The following PCDH15 variants were observed in gnomAD, a reference collection of about 807,000 sequenced individuals.
PCDH15 encodes the protein protocadherin related 15, also known as protocadherin-15.
PCDH15 carries 129 observed loss-of-function variants against 178.5 expected under a neutral mutation model. The observed-to-expected ratio is 0.72, with a 90% confidence interval of 0.63 to 0.84. PCDH15 has a LOEUF of 0.84. Ranked by LOEUF, PCDH15 falls within the 40% of genes least tolerant of loss-of-function variation. The pLI is 0.00. For missense variants in PCDH15, 2,230 were observed against 2,099.9 expected (o/e 1.06, Z -1.21); for synonymous variants, 800 against 732.0 (o/e 1.09, Z -1.50).
At chr10:55,323,793 G>C (rs1843963927), upstream of PCDH15, among the ~76,000 whole-genome samples, 1 of 152,148 alleles carries the variant, frequency 6.6e-6, no homozygotes, top group South Asian at 2.1e-4. Context: ...GCTGAAATCA[G>C]TTAAGACTTT....
chr10:54,097,347 A>G (rs907427418), intron 15 of PCDH15, among the ~76,000 whole-genome samples: 4 of 152,190 alleles, frequency 2.6e-5, no homozygotes, highest in African/African-American at 9.7e-5. Flanking sequence ...TTCCTTAAAC[A>G]TATCAGGTGT....
At chr10:54,358,473 C>A (rs1230520484) in intron 5 of PCDH15, among the ~76,000 whole-genome samples, 1 of 152,152 alleles carries the variant, frequency 6.6e-6, no homozygotes, top group African/African-American at 2.4e-5. Flanking sequence ...TACCATCTCA[C>A]ACAAGTTAGA....
chr10:54,231,832 G>T (rs559117473), intron 9 of PCDH15, among the ~76,000 whole-genome samples: 1 of 152,278 alleles, frequency 6.6e-6, no homozygotes, highest in African/African-American at 2.4e-5. Context: ...TAGACCCTTT[G>T]CTTTGGCTGA....
At position 54,023,043 on chromosome 10, in the gene PCDH15, G is replaced by C; in HGVS notation, c.2375C>G (p.Thr792Arg). 1 of 1,613,904 alleles carries C rather than the reference G, an allele frequency of 6.2e-7. No homozygotes were observed. Among genetic ancestry groups the C allele is most frequent in the Non-Finnish European group, 8.5e-7 (1 of 1,179,894 alleles). ...ATGACGAGGGTGTACTGCTCCATCT[G>C]TTGCCACAACAACAAGTTCATAGTA... Reference protein sequence around the residue: ...RDYYELVVVATDGAVHPRHST... With the variant: ...RDYYELVVVARDGAVHPRHST... The change falls in exon 19 of 38, where the codon ACA becomes AGA. Residue 792 changes from threonine to arginine, a missense_variant. Transcript: ENST00000644397.
At chr10:55,530,380 A>C (rs1537596) in intron 2 of PCDH15, among the ~76,000 whole-genome samples, 60,027 of 151,600 alleles carry the variant, frequency 0.4, 12,571 homozygotes, top group East Asian at 0.81. Flanking sequence ...AAATTCATAT[A>C]CTCTTGTATA....
intron 2 of PCDH15, among the ~76,000 whole-genome samples, chr10:55,487,798 G>T (rs1244676092): frequency 1.3e-5 from 2 of 151,492 alleles, no homozygotes; most frequent in Non-Finnish European, 3.0e-5. Flanking sequence ...ATGTCTTTTA[G>T]AGTCTGTTCT....
chr10:54,190,508 A>T (rs529351325), intron 11 of PCDH15, among the ~76,000 whole-genome samples: 1 of 152,258 alleles, frequency 6.6e-6, no homozygotes, highest in Admixed American at 6.5e-5. Flanking sequence ...GGCTCAAGGG[A>T]TCCTTCTGCC....
At chr10:54,483,639 G>A (rs113145039) in intron 3 of PCDH15, among the ~76,000 whole-genome samples, 45 of 151,920 alleles carry the variant, frequency 3.0e-4, no homozygotes, top group African/African-American at 6.3e-4. Flanking sequence ...AAAAACAAAT[G>A]AAATAAAAGA....
intron 6 of PCDH15, among the ~76,000 whole-genome samples, chr10:54,346,100 C>T (rs939722049): frequency 6.6e-6 from 1 of 152,028 alleles, no homozygotes; most frequent in Non-Finnish European, 1.5e-5. Context: ...CTTTGGAGAC[C>T]ACAAACATAA....
At chr10:54,012,635 T>G (rs138730543) in intron 20 of PCDH15, among the ~76,000 whole-genome samples, 435 of 152,250 alleles carry the variant, frequency 2.9e-3, no homozygotes, top group African/African-American at 9.8e-3. Flanking sequence ...ATTGGGGGCC[T>G]ATGTTCAGCA....
intron 25 of PCDH15, among the ~76,000 whole-genome samples, chr10:53,914,924 T>C (rs369859058): frequency 3.9e-5 from 6 of 152,316 alleles, no homozygotes; most frequent in African/African-American, 1.4e-4. Context: ...GGTTTTTATA[T>C]CATTATTAAT....
At chr10:55,164,343 T>C (rs189032383) in intron 2 of PCDH15, among the ~76,000 whole-genome samples, 1 of 151,912 alleles carries the variant, frequency 6.6e-6, no homozygotes, top group East Asian at 1.9e-4. Context: ...TTTTGTTTCC[T>C]TGACCTGTTA....
At chr10:55,443,977 C>T (rs1839256639) in intron 2 of PCDH15, among the ~76,000 whole-genome samples, 2 of 152,096 alleles carry the variant, frequency 1.3e-5, no homozygotes, top group South Asian at 4.1e-4. Flanking sequence ...AGTTCATGTC[C>T]TTCGAAGGGA....
intron 1 of PCDH15, among the ~76,000 whole-genome samples, chr10:54,753,976 T>G (rs1355828883): frequency 7.4e-5 from 1 of 13,482 alleles, no homozygotes; most frequent in Non-Finnish European, 2.6e-4. Context: ...GGCCGGCTGA[T>G]TTTTTTTTTT....
chr10:55,442,328 G>A (rs1171147924), intron 2 of PCDH15, among the ~76,000 whole-genome samples: 2 of 149,694 alleles, frequency 1.3e-5, no homozygotes, highest in Non-Finnish European at 3.0e-5. Flanking sequence ...TTAATTCAGC[G>A]ATGAGAATTA....
At chr10:54,561,381 A>G (rs981677314) in intron 2 of PCDH15, among the ~76,000 whole-genome samples, 1 of 152,204 alleles carries the variant, frequency 6.6e-6, no homozygotes, top group African/African-American at 2.4e-5. Context: ...ACAAGGCAAG[A>G]TATGTAATAT....
chr10:54,046,673 C>G (rs979148467), intron 18 of PCDH15, among the ~76,000 whole-genome samples: 1 of 152,022 alleles, frequency 6.6e-6, no homozygotes, highest in African/African-American at 2.4e-5. Context: ...AAAGCAATTG[C>G]GCCTGAGAAG....
intron 2 of PCDH15, among the ~76,000 whole-genome samples, chr10:55,493,744 T>TA (rs2132130894): frequency 6.6e-6 from 1 of 151,980 alleles, no homozygotes; most frequent in South Asian, 2.1e-4. Flanking sequence ...TGACCTGCCT[T>TA]ATAAAATATG....
chr10:54,584,219 TA>T (rs2091282670), intron 2 of PCDH15, among the ~76,000 whole-genome samples: 1 of 151,926 alleles, frequency 6.6e-6, no homozygotes, highest in South Asian at 2.1e-4. Context: ...CCCATCTCTA[TA>T]AAAAGGAAAA....
Sources: allele counts gnomAD v4.1 joint callset (sites outside exome capture counted in the v4.1 genomes callset), GRCh38; gene constraint gnomAD v4.1.1; transcripts MANE v1.5; gene names NCBI Gene and HGNC (gene_info 2026-07-23, HGNC 2026-07-21).